Variants in CPNE8 observed in about 807,000 individuals in gnomAD.
The protein encoded by CPNE8 is copine-8.
A neutral mutation model predicts 81.5 loss-of-function variants in CPNE8; 45 were observed. The ratio of observed to expected loss-of-function variants is 0.55; its 90% CI spans 0.44 to 0.71. The LOEUF is 0.71. CPNE8 is among the 30% of genes least tolerant of loss of function. The pLI is 0.00. For synonymous variants in CPNE8, 252 were observed against 226.3 expected, an observed-to-expected ratio of 1.11 and a Z score of -1.02; for missense variants, 594 against 672.1, an observed-to-expected ratio of 0.88 and a Z score of 1.28.
At chr12:38,705,961 T>C (rs954907437) in intron 13 of CPNE8, among the ~76,000 whole-genome samples, 46 of 152,150 alleles carry the variant, frequency 3.0e-4, no homozygotes, top group Non-Finnish European at 7.4e-5. Flanking sequence ...ACATTATATA[T>C]AATGTGATGT....
intron 1 of CPNE8, among the ~76,000 whole-genome samples, chr12:38,895,259 A>G (rs1190370589): frequency 2.0e-5 from 3 of 152,012 alleles, no homozygotes; most frequent in Non-Finnish European, 1.5e-5. Context: ...ATGAAGGGAA[A>G]CTCTGGAATT....
At chr12:38,720,964 T>C (rs1940547857) in intron 13 of CPNE8, 1 of 152,654 alleles carries the variant, frequency 6.6e-6, no homozygotes, top group South Asian at 2.1e-4. Flanking sequence ...AGCTCAGGCA[T>C]CCCTGTACCC....
intron 7 of CPNE8, among the ~76,000 whole-genome samples, chr12:38,771,571 C>A (rs1225865713): frequency 1.3e-5 from 2 of 152,162 alleles, no homozygotes; most frequent in Non-Finnish European, 1.5e-5. Context: ...TTGAATAAAA[C>A]TGTATCAAAA....
In CPNE8 at chr12:38,736,163, T is replaced by C. The variant is rs556083028; in HGVS notation, c.723-5805A>G. 4.0e-5 allele frequency among the ~76,000 whole-genome samples: 6 copies of C among 151,800 alleles called. No homozygotes were observed. In the South Asian group the frequency reaches 1.2e-3, roughly 32 times the overall value. On this transcript the variant is annotated intron_variant, in intron 10 of 19. Coordinates refer to ENST00000331366, the MANE Select transcript of CPNE8 (RefSeq NM_153634.3). ...ATACAGATAGAATTTTTAAAAGATATAATTATCTTTTTATACATATATATA... is the reference window on the plus strand; with the variant it reads ...ATACAGATAGAATTTTTAAAAGATACAATTATCTTTTTATACATATATATA...
chr12:38,701,864 A>C (rs1253666991), intron 14 of CPNE8, among the ~76,000 whole-genome samples: 1 of 152,182 alleles, frequency 6.6e-6, no homozygotes, highest in Non-Finnish European at 1.5e-5. Flanking sequence ...TGGAAGCCAT[A>C]ATGTTGCAGA....
At chr12:38,699,698 CTT>C (rs10569297) in intron 14 of CPNE8, among the ~76,000 whole-genome samples, 3,209 of 147,462 alleles carry the variant, frequency 0.022, 60 homozygotes, top group East Asian at 0.092. Flanking sequence ...GCTTTCTAAA[CTT>C]TTTTTTTTTA....
At chr12:38,711,590 T>A (rs1565578674) in intron 13 of CPNE8, among the ~76,000 whole-genome samples, 1 of 151,578 alleles carries the variant, frequency 6.6e-6, no homozygotes, top group African/African-American at 2.4e-5. Context: ...TGCCTCAGCC[T>A]CCCAAGTAGC....
chr12:38,666,404 C>T (rs2136639654), intron 19 of CPNE8, among the ~76,000 whole-genome samples: 1 of 152,178 alleles, frequency 6.6e-6, no homozygotes, highest in Non-Finnish European at 1.5e-5. Flanking sequence ...GTTTTCTTAT[C>T]TGTAAATAAC....
chr12:38,655,328 T>C (rs963166457), intron 19 of CPNE8, among the ~76,000 whole-genome samples: 2 of 152,178 alleles, frequency 1.3e-5, no homozygotes, highest in African/African-American at 2.4e-5. Context: ...ATAAACACTG[T>C]GCTGTTTGAG....
At chr12:38,756,284 C>A (rs910298491) in intron 10 of CPNE8, among the ~76,000 whole-genome samples, 6 of 150,830 alleles carry the variant, frequency 4.0e-5, no homozygotes, top group Non-Finnish European at 7.4e-5. Flanking sequence ...AATATCATTA[C>A]AACAATTGTC....
chr12:38,836,333 T>G (rs570236855), intron 5 of CPNE8, among the ~76,000 whole-genome samples: 57 of 152,274 alleles, frequency 3.7e-4, no homozygotes, highest in Non-Finnish European at 2.8e-4. Context: ...CCACCACAAA[T>G]AGAATCAATT....
intron 6 of CPNE8, among the ~76,000 whole-genome samples, chr12:38,787,598 A>G (rs1264473545): frequency 2.6e-5 from 4 of 151,926 alleles, no homozygotes; most frequent in Non-Finnish European, 5.9e-5. Flanking sequence ...GAAATAATAA[A>G]GATCAAAGCA....
chr12:38,831,046 G>T (rs1055635145), intron 5 of CPNE8, among the ~76,000 whole-genome samples: 2 of 152,178 alleles, frequency 1.3e-5, no homozygotes, highest in Admixed American at 1.3e-4. Context: ...AGGAGGAAAA[G>T]ATATCTGTAG....
chr12:38,783,719 G>C lies in CPNE8; in HGVS notation c.408-7418C>G, dbSNP rs561640211. On this transcript the variant is annotated intron_variant, in intron 6 of 19. Coordinates refer to ENST00000331366, the MANE Select transcript of CPNE8 (RefSeq NM_153634.3). ...GAGAAAGTAAGGAAATAGAACAAGA[G>C]TCTCTGCCAGGTAATCCAAAGAACT... Among the ~76,000 whole-genome samples the C allele has an allele frequency of 1.8e-4, 27 of 152,324 alleles. No homozygotes were observed. The East Asian group carries it at 4.4e-3, about 25-fold the overall frequency.
intron 3 of CPNE8, among the ~76,000 whole-genome samples, chr12:38,864,766 T>C (rs77737902): frequency 0.015 from 2,334 of 152,212 alleles, 73 homozygotes; most frequent in African/African-American, 0.053. Flanking sequence ...CTAGGAAATA[T>C]CATCATGGCC....
chr12:38,880,822 C>T (rs1286974574), intron 1 of CPNE8, among the ~76,000 whole-genome samples: 1 of 151,778 alleles, frequency 6.6e-6, no homozygotes, highest in African/African-American at 2.4e-5. Flanking sequence ...AGAAATTTAA[C>T]ATAACACACT....
intron 19 of CPNE8, among the ~76,000 whole-genome samples, chr12:38,660,064 C>T (rs987068377): frequency 6.6e-6 from 1 of 152,164 alleles, no homozygotes; most frequent in African/African-American, 2.4e-5. Context: ...GATTCAATGC[C>T]ATCCCCATCA....
At chr12:38,749,951 T>C (rs1941316160) in intron 10 of CPNE8, among the ~76,000 whole-genome samples, 1 of 152,168 alleles carries the variant, frequency 6.6e-6, no homozygotes, top group African/African-American at 2.4e-5. Context: ...TTCCAGGGCA[T>C]ATCAGAGGTC....
intron 11 of CPNE8, among the ~76,000 whole-genome samples, chr12:38,726,001 C>T (rs1230710951): frequency 2.0e-5 from 3 of 152,082 alleles, no homozygotes; most frequent in Non-Finnish European, 4.4e-5. Flanking sequence ...GATCATTAGG[C>T]ATTAGATTCT....
Sources: allele counts gnomAD v4.1 joint callset (sites outside exome capture counted in the v4.1 genomes callset), GRCh38; gene constraint gnomAD v4.1.1; transcripts MANE v1.5; gene names NCBI Gene and HGNC (gene_info 2026-07-23, HGNC 2026-07-21).